The following SFMBT2 variants were observed in gnomAD, a reference collection of about 807,000 sequenced individuals.
SFMBT2 encodes Scm like with four mbt domains 2, also known as scm-like with four MBT domains protein 2.
A neutral mutation model predicts 110.1 loss-of-function variants in SFMBT2; 38 were observed. That is an observed-to-expected ratio of 0.35 (90% CI 0.27 to 0.45). SFMBT2 has a LOEUF of 0.45. Ranked by LOEUF, SFMBT2 falls within the 20% of genes least tolerant of loss-of-function variation. The pLI, the probability that SFMBT2 is intolerant of heterozygous loss-of-function variation, is 1.00. For missense variants in SFMBT2, 1,011 were observed against 1,094.9 expected, an observed-to-expected ratio of 0.92 and a Z score of 1.08; for synonymous variants, 425 against 425.4, an observed-to-expected ratio of 1.00 and a Z score of 0.01.
intron 4 of SFMBT2, among the ~76,000 whole-genome samples, chr10:7,362,698 G>T (rs558093389): frequency 6.6e-6 from 1 of 152,344 alleles, no homozygotes; most frequent in South Asian, 2.1e-4. Context: ...CTCAGCTAAG[G>T]GCTAAAAACT....
intron 4 of SFMBT2, among the ~76,000 whole-genome samples, chr10:7,316,230 G>A (rs1396408550): frequency 1.3e-5 from 2 of 152,156 alleles, no homozygotes; most frequent in Non-Finnish European, 2.9e-5. Flanking sequence ...GCTGGGCTAG[G>A]GCAGTTAGAA....
chr10:7,379,849 G>T (rs1845373305), intron 2 of SFMBT2, among the ~76,000 whole-genome samples: 1 of 152,144 alleles, frequency 6.6e-6, no homozygotes, highest in Non-Finnish European at 1.5e-5. Flanking sequence ...TCTCACACTT[G>T]CCATCCATAC....
chr10:7,261,691 T>C (rs1841209317), intron 7 of SFMBT2, among the ~76,000 whole-genome samples: 1 of 152,206 alleles, frequency 6.6e-6, no homozygotes, highest in African/African-American at 2.4e-5. Context: ...TTAAAGCAGG[T>C]TTCCACTCTC....
chr10:7,263,275 C>T (rs1377901097), intron 7 of SFMBT2, among the ~76,000 whole-genome samples: 1 of 151,830 alleles, frequency 6.6e-6, no homozygotes, highest in Non-Finnish European at 1.5e-5. Flanking sequence ...GAGTTTCTCC[C>T]TCGTCGCCCA....
chr10:7,365,318 G>A (rs1018789620), intron 4 of SFMBT2, among the ~76,000 whole-genome samples: 4 of 152,350 alleles, frequency 2.6e-5, no homozygotes, highest in South Asian at 2.1e-4. Context: ...GAAGGAGAGC[G>A]CACGTGCTTC....
intron 20 of SFMBT2, among the ~76,000 whole-genome samples, chr10:7,167,041 T>C (rs1837714423): frequency 1.3e-5 from 2 of 152,204 alleles, no homozygotes; most frequent in African/African-American, 2.4e-5. Flanking sequence ...TGATAAGATA[T>C]ACGACATGCT....
At chr10:7,181,738 G>T (rs1838251706) in intron 16 of SFMBT2, among the ~76,000 whole-genome samples, 1 of 152,062 alleles carries the variant, frequency 6.6e-6, no homozygotes, top group African/African-American at 2.4e-5. Context: ...CAATAAACAG[G>T]CTTGTTTTGG....
At chr10:7,337,153 TG>T (rs1411641176) in intron 4 of SFMBT2, among the ~76,000 whole-genome samples, 1 of 152,224 alleles carries the variant, frequency 6.6e-6, no homozygotes. Context: ...CATAAAACTG[TG>T]GTTTAGATGA....
intron 4 of SFMBT2, among the ~76,000 whole-genome samples, chr10:7,307,311 C>T (rs908888772): frequency 2.0e-5 from 3 of 152,166 alleles, no homozygotes; most frequent in Admixed American, 1.3e-4. Flanking sequence ...CAAATCCCAA[C>T]AGATTTCTTT....
chr10:7,220,774 C>T (rs1379005056), intron 10 of SFMBT2, among the ~76,000 whole-genome samples: 1 of 151,640 alleles, frequency 6.6e-6, no homozygotes, highest in Non-Finnish European at 1.5e-5. Context: ...ATTTGTTAAA[C>T]GAGTGAGAGT....
chr10:7,400,229 A>G (rs1345437566), intron 1 of SFMBT2, among the ~76,000 whole-genome samples: 1 of 152,204 alleles, frequency 6.6e-6, no homozygotes, highest in African/African-American at 2.4e-5. Flanking sequence ...ACAGCGGTAG[A>G]GGGAGGAAGA....
intron 10 of SFMBT2, among the ~76,000 whole-genome samples, chr10:7,222,958 C>G (rs1839793622): frequency 6.6e-6 from 1 of 152,134 alleles, no homozygotes; most frequent in Admixed American, 6.6e-5. Context: ...GCCTGGCCCC[C>G]TCTTTTCTTA....
chr10:7,344,551 T>C (rs35460123), intron 4 of SFMBT2, among the ~76,000 whole-genome samples: 28,364 of 152,126 alleles, frequency 0.19, 2,858 homozygotes, highest in African/African-American at 0.24. Context: ...ATATATATTA[T>C]CCAGTCTTGG....
At chr10:7,282,488 T>A (rs1257786717) in intron 6 of SFMBT2, among the ~76,000 whole-genome samples, 1 of 152,252 alleles carries the variant, frequency 6.6e-6, no homozygotes, top group Non-Finnish European at 1.5e-5. Context: ...TGCTGGGTTA[T>A]GAATCCCAGG....
intron 4 of SFMBT2, among the ~76,000 whole-genome samples, chr10:7,302,782 T>C (rs1842588709): frequency 6.6e-6 from 1 of 152,148 alleles, no homozygotes; most frequent in Non-Finnish European, 1.5e-5. Context: ...GCGCCTAAAA[T>C]ACAAGCTGCA....
intron 9 of SFMBT2, among the ~76,000 whole-genome samples, chr10:7,232,449 A>G (rs998909861): frequency 3.9e-5 from 6 of 152,192 alleles, no homozygotes; most frequent in African/African-American, 1.4e-4. Flanking sequence ...AAAAAATGAA[A>G]TAACCTTCTG....
At chr10:7,265,090 C>T (rs1426208427) in intron 7 of SFMBT2, among the ~76,000 whole-genome samples, 6 of 151,694 alleles carry the variant, frequency 4.0e-5, no homozygotes, top group South Asian at 4.2e-4. Context: ...TTTTTTAATG[C>T]TGAGATTTTA....
intron 4 of SFMBT2, among the ~76,000 whole-genome samples, chr10:7,332,058 C>CTCTTCCAG (rs1372682626): frequency 1.3e-5 from 2 of 150,666 alleles, no homozygotes; most frequent in Non-Finnish European, 3.0e-5. Flanking sequence ...ATGGTTACAG[C>CTCTTCCAG]TCTTCCAGAC....
intron 2 of SFMBT2, among the ~76,000 whole-genome samples, chr10:7,381,126 G>A (rs917722757): frequency 9.9e-5 from 15 of 150,848 alleles, no homozygotes; most frequent in Admixed American, 2.6e-4. Context: ...CATTTGAATC[G>A]AAGGCTGTGT....
Sources: allele counts gnomAD v4.1 joint callset (sites outside exome capture counted in the v4.1 genomes callset), GRCh38; gene constraint gnomAD v4.1.1; transcripts MANE v1.5; gene names NCBI Gene and HGNC (gene_info 2026-07-23, HGNC 2026-07-21).